The following IMMP2L variants were observed in gnomAD, a reference collection of about 807,000 sequenced individuals.
IMMP2L encodes the protein inner mitochondrial membrane peptidase subunit 2.
IMMP2L carries 18 observed loss-of-function variants against 19.3 expected under a neutral mutation model. The observed-to-expected ratio is 0.93, with a 90% CI of 0.64 to 1.38. The LOEUF (loss-of-function observed/expected upper bound fraction) is 1.38, where lower values mean the gene tolerates loss of function less well. Ranked by LOEUF, IMMP2L falls within the 40% of genes most tolerant of loss-of-function variation. The pLI, the probability that IMMP2L is intolerant of heterozygous loss-of-function variation, is 0.00. For missense variants in IMMP2L, 233 were observed against 218.2 expected, an observed-to-expected ratio of 1.07 and a Z score of -0.43; for synonymous variants, 76 against 73.0, an observed-to-expected ratio of 1.04 and a Z score of -0.21.
intron 1 of IMMP2L, among the ~76,000 whole-genome samples, chr7:111,561,626 G>A (rs1792067859): frequency 6.6e-6 from 1 of 152,088 alleles, no homozygotes; most frequent in Non-Finnish European, 1.5e-5. Flanking sequence ...GGCTAAAAGG[G>A]ATCCACATGC....
chr7:111,098,318 A>C (rs2129579370), intron 3 of IMMP2L, among the ~76,000 whole-genome samples: 1 of 151,984 alleles, frequency 6.6e-6, no homozygotes, highest in African/African-American at 2.4e-5. Context: ...ATGTTCAGCT[A>C]ACTTTTTAAA....
At chr7:110,996,935 C>A (rs1276823176) in intron 3 of IMMP2L, among the ~76,000 whole-genome samples, 4 of 151,968 alleles carry the variant, frequency 2.6e-5, no homozygotes, top group African/African-American at 9.7e-5. Flanking sequence ...GAGTTCCATG[C>A]AATTTTATTA....
intron 3 of IMMP2L, among the ~76,000 whole-genome samples, chr7:111,396,952 G>A (rs1316100088): frequency 3.3e-5 from 5 of 151,980 alleles, no homozygotes; most frequent in East Asian, 1.9e-4. Flanking sequence ...GCTAGGCATC[G>A]TGGCAGGCGC....
intron 3 of IMMP2L, among the ~76,000 whole-genome samples, chr7:111,312,871 C>T (rs1823664221): frequency 6.6e-6 from 1 of 152,018 alleles, no homozygotes; most frequent in African/African-American, 2.4e-5. Context: ...GCAGAAACTA[C>T]TATAGACATT....
Position 111,296,357 on chromosome 7 carries a change from A to T in IMMP2L, c.239+190881T>A, listed in dbSNP as rs1459372388. 4.6e-5 allele frequency among the ~76,000 whole-genome samples: 7 copies of T among 151,952 alleles called. No individual in the cohort carries two copies. In the East Asian group the frequency reaches 1.3e-3, roughly 29 times the overall value. On this transcript the variant is annotated intron_variant, in intron 3 of 5. Coordinates refer to ENST00000405709, the MANE Select transcript of IMMP2L (RefSeq NM_032549.4). The stretch of plus-strand genomic sequence containing the variant: ...TTAAAACGACTAAAGTTAAAAACTG[A>T]TAATACTAGACACAAACAGACATTT...
At chr7:111,119,314 T>G (rs1563263472) in intron 3 of IMMP2L, among the ~76,000 whole-genome samples, 1 of 152,202 alleles carries the variant, frequency 6.6e-6, no homozygotes, top group Non-Finnish European at 1.5e-5. Flanking sequence ...CAAATGAGCA[T>G]GCATACGGAA....
At chr7:111,503,007 C>G (rs1193332339) in intron 2 of IMMP2L, among the ~76,000 whole-genome samples, 2 of 151,432 alleles carry the variant, frequency 1.3e-5, no homozygotes, top group Admixed American at 1.3e-4. Flanking sequence ...ACAAAAAACC[C>G]TTCAAAAAAT....
intron 3 of IMMP2L, among the ~76,000 whole-genome samples, chr7:111,007,694 C>T (rs1299654199): frequency 6.6e-6 from 1 of 151,966 alleles, no homozygotes; most frequent in African/African-American, 2.4e-5. Context: ...TATAGACATG[C>T]ATGTATGTCT....
rs141406846 is a variant in IMMP2L at position 110,793,608 on chromosome 7, C to CA, written c.408+92984dup. On this transcript the variant is annotated intron_variant, in intron 5 of 5. Transcript: ENST00000405709. ...ATAAAAACTTGTATCTTCTCTAGAACAAAAAAAAAGTATAAAGCTGCAGTT... is the reference window on the plus strand; with the variant it reads ...ATAAAAACTTGTATCTTCTCTAGAACAAAAAAAAAAGTATAAAGCTGCAGTT... 5.3e-5 allele frequency among the ~76,000 whole-genome samples: 8 copies of CA among 149,952 alleles called. No individual in the cohort carries two copies. In the East Asian group the frequency reaches 7.8e-4, roughly 15 times the overall value.
At chr7:110,971,032 C>G (rs1162345855) in intron 3 of IMMP2L, among the ~76,000 whole-genome samples, 1 of 152,096 alleles carries the variant, frequency 6.6e-6, no homozygotes, top group Non-Finnish European at 1.5e-5. Flanking sequence ...ATATCCATTG[C>G]CATCTATATG....
intron 5 of IMMP2L, among the ~76,000 whole-genome samples, chr7:110,719,832 T>A (rs1456877687): frequency 6.6e-6 from 1 of 152,236 alleles, no homozygotes; most frequent in African/African-American, 2.4e-5. Context: ...TTCTGAATTA[T>A]AGCACTCTTT....
intron 5 of IMMP2L, among the ~76,000 whole-genome samples, chr7:110,686,727 C>T (rs1793141427): frequency 6.6e-6 from 1 of 152,072 alleles, no homozygotes; most frequent in Non-Finnish European, 1.5e-5. Flanking sequence ...CTTCCATCCT[C>T]ACTGCCCTCA....
At chr7:110,751,262 T>C (rs940731122) in intron 5 of IMMP2L, among the ~76,000 whole-genome samples, 2 of 151,750 alleles carry the variant, frequency 1.3e-5, no homozygotes, top group Admixed American at 1.3e-4. Flanking sequence ...CAAATCTCAT[T>C]ATATATGATA....
intron 3 of IMMP2L, among the ~76,000 whole-genome samples, chr7:111,132,207 T>C (rs1466320216): frequency 6.6e-6 from 1 of 151,942 alleles, no homozygotes; most frequent in Non-Finnish European, 1.5e-5. Flanking sequence ...AATAAAACCT[T>C]TAAAATAGGA....
intron 2 of IMMP2L, among the ~76,000 whole-genome samples, chr7:111,519,375 A>T (rs1846148163): frequency 6.6e-6 from 1 of 152,140 alleles, no homozygotes; most frequent in South Asian, 2.1e-4. Flanking sequence ...TCCCCTTTAT[A>T]CCAAGCTATT....
chr7:111,116,372 A>T (rs1269440167), intron 3 of IMMP2L, among the ~76,000 whole-genome samples: 1 of 152,174 alleles, frequency 6.6e-6, no homozygotes, highest in Non-Finnish European at 1.5e-5. Context: ...CAGTTTGAAA[A>T]TCTCAAAATA....
In IMMP2L at chr7:111,063,651, T is replaced by C. The variant is rs61540071; in HGVS notation, c.240-100086A>G. ...AGCACCCAAATCATCTCTTGAATGC[T>C]TTGCTGCTTAAAAATTTCTTCCTCC... On this transcript the variant is annotated intron_variant, in intron 3 of 5. Transcript: ENST00000405709. Among the ~76,000 whole-genome samples the C allele has an allele frequency of 9.2e-3, 1,399 of 152,228 alleles. 27 individuals are homozygous for C. The highest frequency in any genetic ancestry group is 0.033 in the African/African-American group (1,352 of 41,496).
At chr7:111,003,500 A>G (rs1384450187) in intron 3 of IMMP2L, among the ~76,000 whole-genome samples, 1 of 151,936 alleles carries the variant, frequency 6.6e-6, no homozygotes, top group Non-Finnish European at 1.5e-5. Context: ...TGTTCTTAAT[A>G]TTATAAATTT....
At chr7:110,751,513 A>G (rs1425260964) in intron 5 of IMMP2L, among the ~76,000 whole-genome samples, 2 of 152,000 alleles carry the variant, frequency 1.3e-5, no homozygotes, top group African/African-American at 2.4e-5. Context: ...AAGAGCACTA[A>G]AGAGAAAAAA....
Sources: allele counts gnomAD v4.1 joint callset (sites outside exome capture counted in the v4.1 genomes callset), GRCh38; gene constraint gnomAD v4.1.1; transcripts MANE v1.5; gene names NCBI Gene and HGNC (gene_info 2026-07-23, HGNC 2026-07-21).